RPS6KA2: variants seen among roughly 807,000 people sequenced by gnomAD.
RPS6KA2 encodes the protein ribosomal protein S6 kinase alpha-2.
In RPS6KA2, 42 loss-of-function variants were observed where a neutral mutation model predicts 91.8. That is an observed-to-expected ratio of 0.46 (90% CI 0.36 to 0.59). The LOEUF (loss-of-function observed/expected upper bound fraction) is 0.59, where lower values mean the gene tolerates loss of function less well. Ranked by LOEUF, RPS6KA2 falls within the 20% of genes least tolerant of loss-of-function variation. The probability of loss-of-function intolerance (pLI) is 0.00; values close to 1 mark genes in which losing one functional copy is unlikely to be tolerated. For missense variants in RPS6KA2, 798 were observed against 978.5 expected, an observed-to-expected ratio of 0.82 and a Z score of 2.46; for synonymous variants, 414 against 393.6, an observed-to-expected ratio of 1.05 and a Z score of -0.61.
At chr6:166,542,625 C>T (rs1457777862) in intron 1 of RPS6KA2, among the ~76,000 whole-genome samples, 1 of 152,158 alleles carries the variant, frequency 6.6e-6, no homozygotes, top group African/African-American at 2.4e-5. Context: ...TTTAAAATTC[C>T]TGCAGAACTG....
intron 3 of RPS6KA2, among the ~76,000 whole-genome samples, chr6:166,513,437 T>C (rs555636137): frequency 5.8e-4 from 88 of 152,332 alleles, no homozygotes; most frequent in African/African-American, 1.9e-3. Flanking sequence ...ATCAGGATTT[T>C]ATTGCTTAAA....
chr6:166,522,524 G>A (rs1782894337), intron 3 of RPS6KA2, among the ~76,000 whole-genome samples: 1 of 152,232 alleles, frequency 6.6e-6, no homozygotes, highest in Admixed American at 6.5e-5. Flanking sequence ...GGATTTTGAA[G>A]ACTGAGCCGA....
rs553265547 is a variant in RPS6KA2, at chr6:166,813,327, A to T, written c.123+44873T>A. 4.6e-5 allele frequency among the ~76,000 whole-genome samples: 7 copies of T among 152,280 alleles called. No homozygotes were observed. In the South Asian group the frequency reaches 1.5e-3, roughly 32 times the overall value. ...ACCTCACATTGTTGCTTCCATGTGG[A>T]GCTCCCTGGAAGCAGCCAAACCTAT... On this transcript the variant is annotated intron_variant, in intron 2 of 21. Transcript: ENST00000503859.
chr6:166,702,204 C>T, intron 2 of RPS6KA2: 1 of 1,608,350 alleles, frequency 6.2e-7, no homozygotes, highest in Non-Finnish European at 8.5e-7. Context: ...CCTATAATGG[C>T]TCCAACAAAT....
intron 12 of RPS6KA2, among the ~76,000 whole-genome samples, chr6:166,455,127 G>A (rs1780055979): frequency 6.6e-6 from 1 of 151,926 alleles, no homozygotes; most frequent in African/African-American, 2.4e-5. Context: ...TCCCCCCCTC[G>A]TCTGTTTAGG....
intron 2 of RPS6KA2, among the ~76,000 whole-genome samples, chr6:166,736,697 C>T (rs957294820): frequency 3.3e-5 from 5 of 152,090 alleles, no homozygotes; most frequent in Admixed American, 1.3e-4. Context: ...TGAGGCTGGC[C>T]GAGGGTCGCC....
At chr6:166,468,856 T>TTCGCCTCAAAAAA (rs567161437) in intron 11 of RPS6KA2, among the ~76,000 whole-genome samples, 1 of 112,184 alleles carries the variant, frequency 8.9e-6, no homozygotes, top group Non-Finnish European at 1.8e-5. Flanking sequence ...AGAGCGAGAC[T>TTCGCCTCAAAAAA]AAAAAAAAAA....
chr6:166,453,904 A>G (rs1779998546), intron 12 of RPS6KA2, among the ~76,000 whole-genome samples: 1 of 152,242 alleles, frequency 6.6e-6, no homozygotes, highest in Admixed American at 6.5e-5. Context: ...TTGCAGCAAC[A>G]TGGATGGAAA....
chr6:166,581,102 G>C (rs768017691), intron 1 of RPS6KA2, among the ~76,000 whole-genome samples: 2 of 152,118 alleles, frequency 1.3e-5, no homozygotes, highest in African/African-American at 2.4e-5. Flanking sequence ...GTTTTGCCAG[G>C]CTGGTCTCGA....
Position 166,539,524 on chromosome 6 carries a change from C to T in RPS6KA2, c.100-740G>A, listed in dbSNP as rs79847973. 5.4e-4 allele frequency among the ~76,000 whole-genome samples: 82 copies of T among 152,290 alleles called. 5 individuals are homozygous for T. In the East Asian group the frequency reaches 0.015, roughly 28 times the overall value. On this transcript the variant is annotated intron_variant, in intron 1 of 20. Transcript: ENST00000265678. Reference sequence around the variant, plus strand: ...CTTCTCCTTCTGATTCACGCTATCCCTGGTATGTTTGTCAAAGCTAATGTA... The same window carrying T: ...CTTCTCCTTCTGATTCACGCTATCCTTGGTATGTTTGTCAAAGCTAATGTA...
At chr6:166,697,612 G>A (rs893808630) in intron 2 of RPS6KA2, among the ~76,000 whole-genome samples, 3 of 152,336 alleles carry the variant, frequency 2.0e-5, no homozygotes, top group South Asian at 4.1e-4. Flanking sequence ...AGAAGATGGA[G>A]GGAACCTTGG....
chr6:166,488,796 G>A, intron 10 of RPS6KA2, 37 bp downstream of exon 10: 1 of 1,536,892 alleles, frequency 6.5e-7, no homozygotes, highest in Non-Finnish European at 9.0e-7. Flanking sequence ...GCAGCGCCCT[G>A]CACGTTCCCG....
chr6:166,793,333 A>G (rs547272192), intron 2 of RPS6KA2, among the ~76,000 whole-genome samples: 44 of 145,344 alleles, frequency 3.0e-4, no homozygotes, highest in Admixed American at 1.7e-3. Flanking sequence ...ACTACAAACC[A>G]CTGCTCAAGG....
At position 166,494,260 on chromosome 6, in the gene RPS6KA2, C is replaced by T. The variant is rs572180750; in HGVS notation, c.748-3519G>A. ...CATGCCCTCTAATCCGAGCTGCTCTCGCTCCGTGTGCTGCACCCCACTCCG... is the reference window on the plus strand; with the variant it reads ...CATGCCCTCTAATCCGAGCTGCTCTTGCTCCGTGTGCTGCACCCCACTCCG... On this transcript the variant is annotated intron_variant, in intron 8 of 20. Coordinates refer to ENST00000265678, the MANE Select transcript of RPS6KA2 (RefSeq NM_021135.6). This position sits in a 1 kb window ranked among gnomAD's most constrained non-coding sequence, Gnocchi z 5.1. Among the ~76,000 whole-genome samples, 4 of 152,228 alleles carry T rather than the reference C, an allele frequency of 2.6e-5. No homozygotes were observed. Among genetic ancestry groups the T allele is most frequent in the South Asian group, 2.1e-4 (1 of 4,810 alleles).
intron 10 of RPS6KA2, chr6:166,475,834 T>C (rs764483079): frequency 1.2e-5 from 6 of 511,812 alleles, no homozygotes; most frequent in African/African-American, 7.5e-5. Flanking sequence ...AGGGCCGTTT[T>C]CTCACCTGCA....
intron 2 of RPS6KA2, among the ~76,000 whole-genome samples, chr6:166,801,103 T>G (rs1485949979): frequency 2.0e-5 from 3 of 152,218 alleles, no homozygotes; most frequent in Non-Finnish European, 4.4e-5. Context: ...GTAAATGGTT[T>G]TGCTGCAAGT....
intron 10 of RPS6KA2, among the ~76,000 whole-genome samples, chr6:166,476,429 C>T (rs1251292067): frequency 2.0e-5 from 3 of 152,210 alleles, no homozygotes; most frequent in African/African-American, 7.2e-5. Context: ...CTGTGGTCCG[C>T]TGGGCATTAG....
Position 166,687,206 on chromosome 6 carries a change from C to T in RPS6KA2, c.124-148422G>A, listed in dbSNP as rs1435519329. ...AGCAGCCACCGCGGGCAGAGTTCCT[C>T]CTGCGTGCCAGGAGCCATGGCAGGT... On this transcript the variant is annotated intron_variant, in intron 2 of 21. Transcript: ENST00000503859. Among the ~76,000 whole-genome samples the T allele has an allele frequency of 6.6e-5, 10 of 152,240 alleles. No homozygotes were observed. In the East Asian group the frequency reaches 1.9e-3, roughly 29 times the overall value.
At position 166,720,097 on chromosome 6, in the gene RPS6KA2, G is replaced by T. The variant is rs1790130263; in HGVS notation, c.123+138103C>A. Among the ~76,000 whole-genome samples, 5 of 152,176 alleles carry T rather than the reference G, an allele frequency of 3.3e-5. No individual in the cohort carries two copies. The South Asian group carries it at 8.3e-4, about 25-fold the overall frequency. On this transcript the variant is annotated intron_variant, in intron 2 of 21. Coordinates refer to the RPS6KA2 transcript ENST00000503859. ...TTAATAAGACTTTCACTTATGTAAG[G>T]ATTCCTCATTGAAATAATTCAAGGC...
Sources: gnomAD v4.1 joint callset for allele counts (sites outside exome capture counted in the v4.1 genomes callset) on GRCh38, gnomAD v4.1.1 for gene constraint, Gnocchi (gnomAD v3.1) non-coding constraint, MANE v1.5 for transcripts, NCBI Gene and HGNC (gene_info 2026-07-23, HGNC 2026-07-21) for gene names.